CTNNA2: variants seen among roughly 807,000 people sequenced by gnomAD.
The protein encoded by CTNNA2 is catenin alpha 2.
In CTNNA2, 42 loss-of-function variants were observed where a neutral mutation model predicts 101.0. That is an observed-to-expected ratio of 0.42 (90% CI 0.32 to 0.54). The LOEUF is 0.54. Among genes scored for constraint, CTNNA2 ranks in the 20% least tolerant of loss-of-function variants. The pLI is 0.14. For missense variants in CTNNA2, 871 were observed against 1,223.1 expected, an observed-to-expected ratio of 0.71 and a Z score of 4.29; for synonymous variants, 450 against 456.4, an observed-to-expected ratio of 0.99 and a Z score of 0.18.
chr2:79,225,283 C>T (rs1674394130), intron 2 of CTNNA2, among the ~76,000 whole-genome samples: 1 of 152,124 alleles, frequency 6.6e-6, no homozygotes, highest in African/African-American at 2.4e-5. Flanking sequence ...GCTCCATGTC[C>T]TTGCTAACCT....
chr2:80,047,485 T>G (rs1696605211), intron 7 of CTNNA2, among the ~76,000 whole-genome samples: 1 of 152,148 alleles, frequency 6.6e-6, no homozygotes, highest in Non-Finnish European at 1.5e-5. Context: ...CTTAGGGGGT[T>G]AGGGAAGAAG....
intron 4 of CTNNA2, among the ~76,000 whole-genome samples, chr2:79,464,906 G>A (rs996078946): frequency 5.3e-5 from 8 of 151,188 alleles, no homozygotes; most frequent in African/African-American, 7.3e-5. Flanking sequence ...TGAGTAGATT[G>A]CAAAAATGTT....
At chr2:80,372,740 A>G (rs1222018574) in intron 7 of CTNNA2, among the ~76,000 whole-genome samples, 1 of 148,814 alleles carries the variant, frequency 6.7e-6, no homozygotes, top group Non-Finnish European at 1.5e-5. Flanking sequence ...TTGTATCTGT[A>G]TCATAGCATT....
At chr2:80,139,750 A>G (rs1334939870) in intron 7 of CTNNA2, among the ~76,000 whole-genome samples, 1 of 152,208 alleles carries the variant, frequency 6.6e-6, no homozygotes, top group Non-Finnish European at 1.5e-5. Context: ...AGCACATTCA[A>G]AAATGTAAAT....
At chr2:79,216,157 G>A (rs577320372) in intron 2 of CTNNA2, among the ~76,000 whole-genome samples, 3 of 152,236 alleles carry the variant, frequency 2.0e-5, no homozygotes, top group South Asian at 2.1e-4. Context: ...TATTTGGAAC[G>A]GCTGTCAAGT....
At chr2:80,004,564 G>T (rs563683639) in intron 7 of CTNNA2, among the ~76,000 whole-genome samples, 2 of 152,262 alleles carry the variant, frequency 1.3e-5, no homozygotes, top group African/African-American at 4.8e-5. Context: ...TGACATAGGG[G>T]CTATCATCAT....
At chr2:80,044,222 A>G (rs1696367284) in intron 7 of CTNNA2, among the ~76,000 whole-genome samples, 1 of 152,208 alleles carries the variant, frequency 6.6e-6, no homozygotes, top group African/African-American at 2.4e-5. Flanking sequence ...GGTATTTTCT[A>G]TAGTATAGAA....
chr2:80,472,951 C>G (rs1369795935), intron 9 of CTNNA2, among the ~76,000 whole-genome samples: 2 of 152,152 alleles, frequency 1.3e-5, no homozygotes, highest in African/African-American at 4.8e-5. Flanking sequence ...TTCAGCTTGT[C>G]AGTGAAATGT....
In CTNNA2 at chr2:80,601,417, CTTTCTTTTTTTT is replaced by C. The variant is rs1697510344; in HGVS notation, c.2190-2653_2190-2642del. 4.2e-5 allele frequency among the ~76,000 whole-genome samples: 4 copies of C among 94,198 alleles called. 1 individual carries two copies. The South Asian group carries it at 1.3e-3, about 30-fold the overall frequency. The allele number at this position is 94,198 out of a possible 152,430, so 61.8% of individuals were successfully genotyped here. A position where few individuals can be genotyped will look rare whatever the true frequency, so the allele number is the denominator to read the frequency against. On this transcript the variant is annotated intron_variant, in intron 15 of 18. Transcript: ENST00000402739. The stretch of plus-strand genomic sequence containing the variant: ...GATTTAATGACTTTTTTCTTTCTTT[CTTTCTTTTTTTT>C]TTTTTTTGATGAGTTCTATCTGACA...
intron 2 of CTNNA2, among the ~76,000 whole-genome samples, chr2:79,729,570 T>C (rs1687075043): frequency 6.6e-6 from 1 of 152,114 alleles, no homozygotes; most frequent in South Asian, 2.1e-4. Context: ...AAAGAAATAA[T>C]ATCCTGAATT....
intron 7 of CTNNA2, among the ~76,000 whole-genome samples, chr2:80,075,293 T>C (rs1376565644): frequency 6.6e-6 from 1 of 152,046 alleles, no homozygotes; most frequent in Non-Finnish European, 1.5e-5. Context: ...ATACACTCTA[T>C]CTCAGCACAG....
At chr2:79,276,517 T>C (rs899450365) in intron 2 of CTNNA2, among the ~76,000 whole-genome samples, 4 of 152,114 alleles carry the variant, frequency 2.6e-5, no homozygotes, top group Admixed American at 2.6e-4. Flanking sequence ...TTACCTGAAG[T>C]CTATTTTGTC....
intron 3 of CTNNA2, among the ~76,000 whole-genome samples, chr2:79,830,083 C>A (rs1182487419): frequency 6.6e-6 from 1 of 152,036 alleles, no homozygotes; most frequent in Non-Finnish European, 1.5e-5. Context: ...CTGAGAGAGA[C>A]GAGGGCAGGG....
intron 7 of CTNNA2, among the ~76,000 whole-genome samples, chr2:80,264,333 A>C (rs550943069): frequency 6.6e-6 from 1 of 152,280 alleles, no homozygotes; most frequent in East Asian, 1.9e-4. Context: ...TATTTCCATA[A>C]ACGAGCCCAA....
At chr2:79,957,708 G>C (rs1292657448) in intron 7 of CTNNA2, among the ~76,000 whole-genome samples, 2 of 152,156 alleles carry the variant, frequency 1.3e-5, no homozygotes, top group African/African-American at 4.8e-5. Context: ...TCTCATTCCT[G>C]TCAGGACCCT....
chr2:79,455,939 G>C (rs1452098562), intron 4 of CTNNA2, among the ~76,000 whole-genome samples: 1 of 152,068 alleles, frequency 6.6e-6, no homozygotes, highest in Non-Finnish European at 1.5e-5. Context: ...TGACAAGTTA[G>C]ACCTAGAAAT....
intron 2 of CTNNA2, among the ~76,000 whole-genome samples, chr2:79,214,164 A>C (rs1422676179): frequency 1.3e-5 from 2 of 152,198 alleles, no homozygotes; most frequent in South Asian, 2.1e-4. Context: ...GTAACAGATG[A>C]GGAAGAAATT....
intron 7 of CTNNA2, among the ~76,000 whole-genome samples, chr2:80,253,340 C>T (rs763252143): frequency 6.6e-6 from 1 of 152,130 alleles, no homozygotes; most frequent in Admixed American, 6.5e-5. Context: ...TTCTCATGAC[C>T]ACCCTGACTT....
intron 2 of CTNNA2, among the ~76,000 whole-genome samples, chr2:79,683,825 G>A (rs954838452): frequency 7.9e-5 from 12 of 152,218 alleles, no homozygotes; most frequent in African/African-American, 2.4e-4. Flanking sequence ...CTATGGAGTG[G>A]TGGGAGAACC....
Sources: gnomAD v4.1 joint callset for allele counts (sites outside exome capture counted in the v4.1 genomes callset) on GRCh38, gnomAD v4.1.1 for gene constraint, MANE v1.5 for transcripts, NCBI Gene and HGNC (gene_info 2026-07-23, HGNC 2026-07-21) for gene names.